Variants in SLCO1B1 observed in about 807,000 individuals in gnomAD.
The protein encoded by SLCO1B1 is OATP-2.
SLCO1B1 carries 81 observed loss-of-function variants against 70.1 expected under a neutral mutation model. The ratio of observed to expected loss-of-function variants is 1.16; its 90% CI spans 0.97 to 1.39. SLCO1B1 has a LOEUF of 1.39. Among genes scored for constraint, SLCO1B1 ranks in the 40% most tolerant of loss-of-function variants. SLCO1B1 has a pLI of 0.00. For missense variants in SLCO1B1, 895 were observed against 799.6 expected (o/e 1.12, Z -1.44); for synonymous variants, 283 against 271.5 (o/e 1.04, Z -0.42).
At chr12:21,185,202 C>T (rs977663179) in intron 7 of SLCO1B1, among the ~76,000 whole-genome samples, 9 of 147,590 alleles carry the variant, frequency 6.1e-5, no homozygotes, top group African/African-American at 2.2e-4. Context: ...TGTTAGATAT[C>T]GAAGCAGAAA....
At position 21,183,894 on chromosome 12, in the gene SLCO1B1, A is replaced by G. The variant is rs529484169; in HGVS notation, c.727+4874A>G. On this transcript the variant is annotated intron_variant, in intron 7 of 14. Coordinates refer to ENST00000256958, the MANE Select transcript of SLCO1B1 (RefSeq NM_006446.5). ...CCAAAAGCTGAAAGACATAATAGCC[A>G]TTAAAAAAACACTACTTCTGGAATT... Among the ~76,000 whole-genome samples, 373 of 152,312 alleles carry G rather than the reference A, an allele frequency of 2.4e-3. 2 individuals carry two copies. The highest frequency in any genetic ancestry group is 4.0e-3 in the Non-Finnish European group (273 of 68,036).
chr12:21,148,857 A>G (rs1156674691), intron 2 of SLCO1B1, among the ~76,000 whole-genome samples: 1 of 152,178 alleles, frequency 6.6e-6, no homozygotes, highest in Non-Finnish European at 1.5e-5. Flanking sequence ...ATCCATGAGC[A>G]TAGAATGTTT....
intron 2 of SLCO1B1, among the ~76,000 whole-genome samples, chr12:21,151,787 A>G (rs1591800503): frequency 6.6e-6 from 1 of 151,948 alleles, no homozygotes; most frequent in South Asian, 2.1e-4. Flanking sequence ...TGGGGAAGGT[A>G]TTTTTTCCTC....
At chr12:21,174,842 G>A (rs968656420) in intron 4 of SLCO1B1, 133 bp downstream of exon 4, 3 of 815,718 alleles carry the variant, frequency 3.7e-6, no homozygotes, top group Non-Finnish European at 3.9e-6. Flanking sequence ...GTACAGAAAT[G>A]AAATAGTGTC....
At chr12:21,158,627 G>C (rs938884392) in intron 2 of SLCO1B1, among the ~76,000 whole-genome samples, 2 of 152,084 alleles carry the variant, frequency 1.3e-5, no homozygotes, top group Non-Finnish European at 2.9e-5. Context: ...CCAGGAGGCA[G>C]AGGTTGCAGT....
intron 2 of SLCO1B1, among the ~76,000 whole-genome samples, chr12:21,152,549 T>TTTTTTTTTTTTTTTTTTTC (rs1940487614): frequency 1.4e-5 from 2 of 145,536 alleles, no homozygotes; most frequent in Non-Finnish European, 3.0e-5. Context: ...TTTTTTTTTT[T>TTTTTTTTTTTTTTTTTTTC]TTGCCTCTGG....
rs1299781634 is a variant in SLCO1B1, at chr12:21,176,848, T to G, written c.432T>G (p.Ile144Met). ...NSTSTLSTCL[I>M]NQILSLNRAS... ...CATCGACCTTATCCACTTGTTTAAT[T>G]AATCAAATTTTATCACTCAATAGAG... The change falls in exon 5 of 15, where the codon ATT (isoleucine) becomes ATG (methionine). Residue 144 changes from isoleucine (I) to methionine (M), a missense_variant. Coordinates refer to ENST00000256958, the MANE Select transcript of SLCO1B1 (RefSeq NM_006446.5). 3 of 1,553,970 alleles carry G rather than the reference T, an allele frequency of 1.9e-6. No homozygotes were observed. The highest frequency in any genetic ancestry group is 2.7e-6 in the Non-Finnish European group (3 of 1,125,226).
chr12:21,196,919 A>T, intron 7 of SLCO1B1, 27 bp from the exon 8 acceptor site: 2 of 1,609,224 alleles, frequency 1.2e-6, no homozygotes, highest in South Asian at 2.2e-5. Flanking sequence ...ATGATTTTTG[A>T]CTGGCTTCTA....
chr12:21,210,442 A>G (rs61403273), intron 11 of SLCO1B1, among the ~76,000 whole-genome samples: 3,427 of 102,380 alleles, frequency 0.033, 157 homozygotes, highest in East Asian at 0.14. Flanking sequence ...TACCAGTACC[A>G]TGCTGTTTTG....
At chr12:21,174,432 G>A (rs1940793571) in intron 3 of SLCO1B1, 145 bp from the exon 4 acceptor site, 1 of 752,784 alleles carries the variant, frequency 1.3e-6, no homozygotes, top group Non-Finnish European at 2.2e-6. Context: ...GTCTAATGTA[G>A]GTGAATTCAC....
chr12:21,215,650 GTTGGT>G (rs1265273009), intron 11 of SLCO1B1, among the ~76,000 whole-genome samples: 3 of 152,122 alleles, frequency 2.0e-5, no homozygotes, highest in Non-Finnish European at 2.9e-5. Context: ...ATATTGGCCT[GTTGGT>G]TTGTTTTTGA....
chr12:21,205,930 G>A lies in SLCO1B1; in HGVS notation c.1394G>A (p.Cys465Tyr). 1 of 1,610,922 alleles carries A rather than the reference G, an allele frequency of 6.2e-7. No homozygotes were observed. Among genetic ancestry groups the A allele is most frequent in the Non-Finnish European group, 8.5e-7 (1 of 1,177,672 alleles). ...PLSYCNSDCN[C>Y]DESQWEPVCG... ...TCTTATTGCAACTCAGACTGCAATTGTGATGAAAGTCAATGGGAACCAGTC... is the reference window on the plus strand; with the variant it reads ...TCTTATTGCAACTCAGACTGCAATTATGATGAAAGTCAATGGGAACCAGTC... The change falls in exon 11 of 15, where the codon TGT (cysteine) becomes TAT (tyrosine). Residue 465 changes from cysteine to tyrosine, a missense_variant. Coordinates refer to ENST00000256958, the MANE Select transcript of SLCO1B1 (RefSeq NM_006446.5).
intron 7 of SLCO1B1, among the ~76,000 whole-genome samples, chr12:21,181,188 T>C (rs566664048): frequency 4.6e-5 from 7 of 152,318 alleles, no homozygotes; most frequent in East Asian, 3.9e-4. Context: ...GGACTTCTGA[T>C]TGGTTTCCAA....
At chr12:21,195,712 A>G (rs1941083883) in intron 7 of SLCO1B1, among the ~76,000 whole-genome samples, 1 of 152,170 alleles carries the variant, frequency 6.6e-6, no homozygotes, top group African/African-American at 2.4e-5. Context: ...TAACTTGGTC[A>G]TTCTGCCCTA....
intron 1 of SLCO1B1, among the ~76,000 whole-genome samples, chr12:21,134,147 G>A (rs147503836): frequency 7.4e-4 from 112 of 152,216 alleles, no homozygotes; most frequent in African/African-American, 2.2e-3. Flanking sequence ...ATTGATTTGC[G>A]TATGTTGAAC....
chr12:21,178,099 A>G (rs1940843280), intron 5 of SLCO1B1, among the ~76,000 whole-genome samples: 1 of 152,054 alleles, frequency 6.6e-6, no homozygotes, highest in Admixed American at 6.6e-5. Flanking sequence ...CCACTCAAAT[A>G]TCACCTTGAT....
chr12:21,173,729 T>C (rs1328807635), intron 3 of SLCO1B1, among the ~76,000 whole-genome samples: 1 of 151,882 alleles, frequency 6.6e-6, no homozygotes, highest in East Asian at 1.9e-4. Context: ...TATTTGTTTA[T>C]TGTTATGCCT....
chr12:21,141,790 A>G (rs986880340), intron 2 of SLCO1B1, 132 bp downstream of exon 2: 2 of 582,546 alleles, frequency 3.4e-6, no homozygotes, highest in East Asian at 6.3e-5. Context: ...TGAAATATTA[A>G]CATAATGATT....
At chr12:21,219,463 C>T (rs970575297) in intron 12 of SLCO1B1, among the ~76,000 whole-genome samples, 1 of 152,186 alleles carries the variant, frequency 6.6e-6, no homozygotes, top group African/African-American at 2.4e-5. Context: ...TAGCCTAGTT[C>T]AGATCCTATG....
Sources: gnomAD v4.1 joint callset for allele counts (sites outside exome capture counted in the v4.1 genomes callset) on GRCh38, gnomAD v4.1.1 for gene constraint, MANE v1.5 for transcripts, NCBI Gene and HGNC (gene_info 2026-07-23, HGNC 2026-07-21) for gene names.